The following ASAP2 variants were observed in gnomAD, a reference collection of about 807,000 sequenced individuals.
The protein encoded by ASAP2 is arf-GAP with SH3 domain, ANK repeat and PH domain-containing protein 2.
A neutral mutation model predicts 131.4 loss-of-function variants in ASAP2; 45 were observed. The observed-to-expected ratio is 0.34, with a 90% CI of 0.27 to 0.44. The LOEUF is 0.44. Ranked by LOEUF, ASAP2 falls within the 20% of genes least tolerant of loss-of-function variation. ASAP2 has a pLI of 1.00. For missense variants in ASAP2, 1,011 were observed against 1,297.0 expected (o/e 0.78, Z 3.39); for synonymous variants, 510 against 503.0 (o/e 1.01, Z -0.19).
chr2:9,398,426 A>G (rs1381934350), intron 24 of ASAP2, among the ~76,000 whole-genome samples: 1 of 152,100 alleles, frequency 6.6e-6, no homozygotes, highest in Non-Finnish European at 1.5e-5. Flanking sequence ...CGGGAGGATC[A>G]CTTGACCCCA....
At chr2:9,396,925 C>T (rs1572635676) in intron 24 of ASAP2, among the ~76,000 whole-genome samples, 1 of 152,296 alleles carries the variant, frequency 6.6e-6, no homozygotes, top group Non-Finnish European at 1.5e-5. Context: ...TCACTTGAAC[C>T]CAGGAGGTGG....
intron 3 of ASAP2, among the ~76,000 whole-genome samples, chr2:9,306,381 C>A (rs1668942422): frequency 6.6e-6 from 1 of 151,702 alleles, no homozygotes; most frequent in Non-Finnish European, 1.5e-5. Context: ...GGCTTGGGTG[C>A]CTGCGAGGGG....
chr2:9,270,953 C>T (rs1309452676), intron 1 of ASAP2, among the ~76,000 whole-genome samples: 6 of 151,768 alleles, frequency 4.0e-5, no homozygotes, highest in East Asian at 1.9e-4. Context: ...CCACTACGCC[C>T]GGCTAATTTT....
At chr2:9,254,819 CA>C (rs1440796721) in intron 1 of ASAP2, among the ~76,000 whole-genome samples, 1 of 152,090 alleles carries the variant, frequency 6.6e-6, no homozygotes, top group African/African-American at 2.4e-5. Context: ...GTTATCAGTT[CA>C]CCAAGTGATG....
chr2:9,320,337 T>G lies in ASAP2; in HGVS notation c.470T>G (p.Ile157Arg). Residue 157 changes from isoleucine to arginine, a missense_variant and splice_region_variant, in exon 5 of 28, where the codon ATA becomes AGA. Physicochemically the swap from Ile to Arg is moderately conservative, Grantham distance 97. This residue lies in a region of ASAP2 where 359 missense variants were observed against 598.1 expected (regional missense o/e 0.60). Transcript: ENST00000281419. ...GCTTGGAAGGACTATGAAACAAAAA[T>G]GTGAGTGTTCTCGTTTTTAAATTTA... ...DKAWKDYETKITKIEKEKKEH... is the reference protein window; with the variant it reads ...DKAWKDYETKRTKIEKEKKEH... The G allele has an allele frequency of 6.2e-7, 1 of 1,608,578 alleles. No homozygotes were observed. Among genetic ancestry groups the G allele is most frequent in the South Asian group, 1.1e-5 (1 of 89,350 alleles).
chr2:9,302,141 C>T (rs1473491690), intron 3 of ASAP2, among the ~76,000 whole-genome samples: 1 of 102,666 alleles, frequency 9.7e-6, no homozygotes. Context: ...TTTTTTTTTC[C>T]CAAACACAGA....
chr2:9,248,163 G>T (rs1053305675), intron 1 of ASAP2, among the ~76,000 whole-genome samples: 29 of 152,180 alleles, frequency 1.9e-4, no homozygotes, highest in African/African-American at 7.0e-4. Flanking sequence ...AGCAGAGCAG[G>T]GCCATCAGTG....
chr2:9,365,403 C>T (rs935114482), intron 15 of ASAP2, among the ~76,000 whole-genome samples: 1 of 152,206 alleles, frequency 6.6e-6, no homozygotes, highest in African/African-American at 2.4e-5. Flanking sequence ...TGCCTGTTCT[C>T]TCCTGGGGTG....
intron 2 of ASAP2, among the ~76,000 whole-genome samples, chr2:9,289,242 A>C (rs137868681): frequency 7.9e-5 from 12 of 152,208 alleles, no homozygotes; most frequent in African/African-American, 1.7e-4. Context: ...TGCTCTGGAC[A>C]CACCAAGCGC....
intron 2 of ASAP2, among the ~76,000 whole-genome samples, chr2:9,287,909 G>A (rs1490770228): frequency 2.0e-5 from 3 of 152,160 alleles, no homozygotes; most frequent in East Asian, 1.9e-4. Flanking sequence ...CTTAACTAAC[G>A]TCCAAGTGTT....
intron 1 of ASAP2, among the ~76,000 whole-genome samples, chr2:9,227,579 G>A (rs1269060662): frequency 2.0e-5 from 3 of 152,186 alleles, no homozygotes. Context: ...CAGCATCACA[G>A]AGGTTTAACG....
At chr2:9,261,630 C>T (rs973229550) in intron 1 of ASAP2, among the ~76,000 whole-genome samples, 6 of 152,204 alleles carry the variant, frequency 3.9e-5, no homozygotes, top group Admixed American at 1.3e-4. Context: ...CCTTTCTTTC[C>T]CTGGGAGCAC....
chr2:9,329,405 G>A (rs1670686464), intron 7 of ASAP2, among the ~76,000 whole-genome samples: 1 of 152,200 alleles, frequency 6.6e-6, no homozygotes, highest in Admixed American at 6.5e-5. Context: ...GGAAAACAAA[G>A]TTCTTGCCTT....
At chr2:9,284,348 G>A (rs568724066) in intron 2 of ASAP2, among the ~76,000 whole-genome samples, 1 of 152,256 alleles carries the variant, frequency 6.6e-6, no homozygotes, top group South Asian at 2.1e-4. Context: ...GCTCCTGATT[G>A]TTCTCTAGTA....
chr2:9,335,053 A>AT, intron 8 of ASAP2, 40 bp from the exon 9 acceptor site: 1 of 1,595,462 alleles, frequency 6.3e-7, no homozygotes, highest in Non-Finnish European at 8.6e-7. Flanking sequence ...CTCAGTCTTA[A>AT]TTTTCTGATT....
chr2:9,321,873 G>A (rs530468965), intron 5 of ASAP2, among the ~76,000 whole-genome samples: 1 of 152,290 alleles, frequency 6.6e-6, no homozygotes, highest in South Asian at 2.1e-4. Context: ...TGAAGTAATT[G>A]TAGGATAAAT....
At position 9,207,094 on chromosome 2, in the gene ASAP2, G is replaced by A. The variant is rs564416991; in HGVS notation, c.-11G>A. ...CCTGCGGCTGTGCGCCAGCGCCCTCGCGCCGAGGCGATGCCGGACCAGATC... is the reference window on the plus strand; with the variant it reads ...CCTGCGGCTGTGCGCCAGCGCCCTCACGCCGAGGCGATGCCGGACCAGATC... On this transcript the variant is annotated 5_prime_UTR_variant, in exon 1 of 28. Transcript: ENST00000281419. The surrounding 1 kb of genome is among the most constrained non-coding windows in gnomAD (Gnocchi z 4.1). The A allele has an allele frequency of 1.2e-5, 19 of 1,569,016 alleles. No homozygotes were observed. In the Admixed American group the frequency reaches 2.3e-4, roughly 19 times the overall value.
At chr2:9,334,592 T>A (rs1479319086) in intron 7 of ASAP2, 146 bp from the exon 8 acceptor site, 2 of 651,886 alleles carry the variant, frequency 3.1e-6, no homozygotes, top group Non-Finnish European at 5.2e-6. Flanking sequence ...TTGGTTTGCC[T>A]GATATTTTAA....
In ASAP2 at chr2:9,311,041, C is replaced by G. The variant is rs1396695391; in HGVS notation, c.346-7483C>G. On this transcript the variant is annotated intron_variant, in intron 3 of 27. Coordinates refer to ENST00000281419, the MANE Select transcript of ASAP2 (RefSeq NM_003887.3). This position sits in a 1 kb window ranked among gnomAD's most constrained non-coding sequence, Gnocchi z 5.2. ...CTTGTCAGACATATCCAAGTGAACT[C>G]GGGGGGAAAAGCTAAGACAGGAAGT... 6.6e-6 allele frequency among the ~76,000 whole-genome samples: 1 copy of G among 151,654 alleles called. No individual in the cohort carries two copies. The highest frequency in any genetic ancestry group is 1.5e-5 in the Non-Finnish European group (1 of 67,966).
Sources: allele counts gnomAD v4.1 joint callset (sites outside exome capture counted in the v4.1 genomes callset), GRCh38; gene constraint gnomAD v4.1.1; regional missense constraint gnomAD v4.1.1; non-coding constraint Gnocchi (gnomAD v3.1); transcripts MANE v1.5; gene names NCBI Gene and HGNC (gene_info 2026-07-23, HGNC 2026-07-21).